Variants in CHST13 observed in about 807,000 individuals in gnomAD.
CHST13 encodes C4ST-3.
In CHST13, 1 loss-of-function variant was observed where a neutral mutation model predicts 7.0. The observed-to-expected ratio is 0.14, with a 90% CI of 0.05 to 0.68. The LOEUF is 0.68. Ranked by LOEUF, CHST13 falls within the 30% of genes least tolerant of loss-of-function variation. The pLI is 0.82. For missense variants in CHST13, 572 were observed against 507.9 expected, an observed-to-expected ratio of 1.13 and a Z score of -1.21; for synonymous variants, 257 against 240.9, an observed-to-expected ratio of 1.07 and a Z score of -0.62.
Position 126,541,988 on chromosome 3 carries a change from C to A in CHST13, c.436C>A (p.Pro146Thr). The A allele has an allele frequency of 6.4e-7, 1 of 1,564,694 alleles. No homozygotes were observed. Among genetic ancestry groups the A allele is most frequent in the Non-Finnish European group, 8.6e-7 (1 of 1,159,858 alleles). Residue 146 changes from proline to threonine, a missense_variant, in exon 3 of 3, where the codon CCT (proline) becomes ACT (threonine). Physicochemically the swap from Pro to Thr is conservative, Grantham distance 38 (BLOSUM62 -1). Transcript: ENST00000319340. ...CATCTCCGCGCAAGAGGCGCACGCG[C>A]CTGGCCGCCTGCCCTCACTGGCCGA... Reference protein sequence around the residue: ...RAISAQEAHAPGRLPSLADFS... With the variant: ...RAISAQEAHATGRLPSLADFS...
Position 126,542,538 on chromosome 3 carries a change from T to G in CHST13, c.986T>G (p.Leu329Arg), listed in dbSNP as rs546173379. 1 of 1,532,826 alleles carries G rather than the reference T, an allele frequency of 6.5e-7. No individual in the cohort carries two copies. The highest frequency in any genetic ancestry group is 8.7e-7 in the Non-Finnish European group (1 of 1,145,796). The allele number at this position is 1,532,826 out of a possible 1,614,324, so 95.0% of individuals were successfully genotyped here. A position where few individuals can be genotyped will look rare whatever the true frequency, so the allele number is the denominator to read the frequency against. Residue 329 changes from leucine (L) to arginine (R), a missense_variant, in exon 3 of 3, where the codon CTT becomes CGT. Transcript: ENST00000319340. Reference protein sequence around the residue: ...LFDLYKMDFLLFNYSAPSYLR... With the variant: ...LFDLYKMDFLRFNYSAPSYLR... ...GACCTCTACAAGATGGACTTCCTGC[T>G]TTTCAACTACTCCGCCCCCTCCTAC...
chr3:126,537,616 G>C (rs1936826047), intron 2 of CHST13, among the ~76,000 whole-genome samples: 1 of 152,186 alleles, frequency 6.6e-6, no homozygotes, highest in African/African-American at 2.4e-5. Context: ...CTGACGGTAG[G>C]ACAGGCACTC....
rs1010238518 is a variant in CHST13, at chr3:126,541,714, C to T, written c.181-19C>T. On this transcript the variant is annotated intron_variant, in intron 2 of 2. Coordinates refer to ENST00000319340, the MANE Select transcript of CHST13 (RefSeq NM_152889.3). The stretch of plus-strand genomic sequence containing the variant: ...GCTGCCCTGACGCGTCCCCCTGTCC[C>T]GTCTCCTGTCGCCCACAGGACCCGC... 3.5e-6 allele frequency: 5 copies of T among 1,436,138 alleles called. No individual in the cohort carries two copies. The highest frequency in any genetic ancestry group is 1.5e-5 in the African/African-American group (1 of 67,332). 89.0% of individuals were successfully genotyped at this position (1,436,138 alleles called of 1,614,324 possible). A position where few individuals can be genotyped will look rare whatever the true frequency, so the allele number is the denominator to read the frequency against.
In CHST13 at chr3:126,542,026, C is replaced by T. The variant is rs767401839; in HGVS notation, c.474C>T (p.Ala158=). The T allele has an allele frequency of 3.2e-5, 50 of 1,569,696 alleles. No individual in the cohort carries two copies. In the South Asian group the frequency reaches 4.4e-4, roughly 14 times the overall value. Residue 158 remains alanine (A), a synonymous_variant, in exon 3 of 3, where the codon GCC becomes GCT. Transcript: ENST00000319340. The part of the protein sequence containing the change: ...RLPSLADFSP[A]EINRRLRAYL... Reference sequence around the variant, plus strand: ...CCTCACTGGCCGACTTCAGCCCCGCCGAGATCAACCGGCGCCTGCGCGCCT... The same window carrying T: ...CCTCACTGGCCGACTTCAGCCCCGCTGAGATCAACCGGCGCCTGCGCGCCT...
Position 126,542,776 on chromosome 3 carries a change from C to A in CHST13, c.*198C>A. The A allele has an allele frequency of 1.5e-6, 1 of 687,858 alleles. No homozygotes were observed. The highest frequency in any genetic ancestry group is 2.1e-6 in the Non-Finnish European group (1 of 478,136). The allele number at this position is 687,858 out of a possible 1,614,324, so 42.6% of individuals were successfully genotyped here. A position where few individuals can be genotyped will look rare whatever the true frequency, so the allele number is the denominator to read the frequency against. ...CTCAGGTGGCCCTGCACGCGTGTGC[C>A]TGCCTCGGCCTGTCGCCTGAGGCCT... On this transcript the variant is annotated 3_prime_UTR_variant, in exon 3 of 3. Coordinates refer to ENST00000319340, the MANE Select transcript of CHST13 (RefSeq NM_152889.3).
intron 2 of CHST13, among the ~76,000 whole-genome samples, chr3:126,536,918 CACACA>C (rs1936807542): frequency 6.6e-6 from 1 of 151,458 alleles, no homozygotes; most frequent in Admixed American, 6.6e-5. Context: ...CACACACACA[CACACA>C]CCCCACACAC....
At chr3:126,534,890 C>G (rs1255001921) in intron 1 of CHST13, among the ~76,000 whole-genome samples, 1 of 146,724 alleles carries the variant, frequency 6.8e-6, no homozygotes, top group Non-Finnish European at 1.5e-5. Context: ...ATCCCTGTCC[C>G]CAGCCGGGAG....
At chr3:126,524,907 C>T (rs1331514374) in intron 1 of CHST13, among the ~76,000 whole-genome samples, 1 of 152,182 alleles carries the variant, frequency 6.6e-6, no homozygotes, top group African/African-American at 2.4e-5. Flanking sequence ...GAAATCCACA[C>T]TGGGTAGGGC....
chr3:126,528,720 T>C (rs1936585537), intron 1 of CHST13, among the ~76,000 whole-genome samples: 1 of 152,074 alleles, frequency 6.6e-6, no homozygotes, highest in South Asian at 2.1e-4. Context: ...GGGGTTCCAT[T>C]CTAGATGGCC....
chr3:126,533,199 C>T (rs1936694264), intron 1 of CHST13, among the ~76,000 whole-genome samples: 1 of 152,096 alleles, frequency 6.6e-6, no homozygotes, highest in Admixed American at 6.5e-5. Flanking sequence ...TTACTTATTA[C>T]TTTCCAACCT....
In CHST13 at chr3:126,542,499, A is replaced by G; in HGVS notation, c.947A>G (p.Gln316Arg). The change falls in exon 3 of 3, where the codon CAG (glutamine) becomes CGG (arginine). Residue 316 changes from glutamine to arginine, a missense_variant. Coordinates refer to ENST00000319340, the MANE Select transcript of CHST13 (RefSeq NM_152889.3). ...TTCCGGGACATCAGCCCCTTCTACCAGCGGCGCCTCTTCGACCTCTACAAG... is the reference window on the plus strand; with the variant it reads ...TTCCGGGACATCAGCCCCTTCTACCGGCGGCGCCTCTTCGACCTCTACAAG... ...RLFRDISPFY[Q>R]RRLFDLYKMD... 7.0e-6 allele frequency: 11 copies of G among 1,576,632 alleles called. No homozygotes were observed. The highest frequency in any genetic ancestry group is 1.2e-5 in the South Asian group (1 of 85,514).
chr3:126,534,933 C>CAGACAGACAGCATCCCTGTCCCCAGCCGG (rs1936736556), intron 1 of CHST13, among the ~76,000 whole-genome samples: 1 of 144,668 alleles, frequency 6.9e-6, no homozygotes, highest in African/African-American at 2.6e-5. Context: ...AGCCGGGAGA[C>CAGACAGACAGCATCCCTGTCCCCAGCCGG]AGACAGACAG....
Position 126,524,368 on chromosome 3 carries a change from G to T in CHST13, c.36G>T (p.Ala12=). Residue 12 remains alanine (A), a synonymous_variant, in exon 1 of 3, where the codon GCG becomes GCT. Transcript: ENST00000319340. ...GCTGCTGCCGGCGGCGCGTGCTGGC[G>T]GCCGCCTGTCTGGGCGCCGCGCTCC... ...GRRCCRRRVL[A]AACLGAALLL... is the part of the protein sequence containing the mutation. 1 of 1,236,660 alleles carries T rather than the reference G, an allele frequency of 8.1e-7. No individual in the cohort carries two copies. The highest frequency in any genetic ancestry group is 1.0e-6 in the Non-Finnish European group (1 of 990,434). 76.6% of individuals were successfully genotyped at this position (1,236,660 alleles called of 1,614,324 possible). A position where few individuals can be genotyped will look rare whatever the true frequency, so the allele number is the denominator to read the frequency against.
chr3:126,541,780 G>A lies in CHST13; in HGVS notation c.228G>A (p.Leu76=). Residue 76 remains leucine (L), a synonymous_variant, in exon 3 of 3, where the codon CTG becomes CTA. Coordinates refer to ENST00000319340, the MANE Select transcript of CHST13 (RefSeq NM_152889.3). Reference sequence around the variant, plus strand: ...AGGTGCACCGGCAGCGGCGCGACCTGCTGAACAGCGCCTGTAGCCGCCACT... The same window carrying A: ...AGGTGCACCGGCAGCGGCGCGACCTACTGAACAGCGCCTGTAGCCGCCACT... The part of the protein sequence containing the change: ...LAKVHRQRRD[L]LNSACSRHSR... 1 of 1,533,824 alleles carries A rather than the reference G, an allele frequency of 6.5e-7. No individual in the cohort carries two copies. Among genetic ancestry groups the A allele is most frequent in the Non-Finnish European group, 8.8e-7 (1 of 1,141,998 alleles).
At chr3:126,527,553 C>T (rs1327535723) in intron 1 of CHST13, 2 of 152,436 alleles carry the variant, frequency 1.3e-5, no homozygotes, top group Middle Eastern at 3.1e-3. Context: ...AAGTGCCCGT[C>T]TCTGAGCCAG....
In CHST13 at chr3:126,542,207, C is replaced by G. The variant is rs750870511; in HGVS notation, c.655C>G (p.Arg219Gly). The stretch of plus-strand genomic sequence containing the variant: ...GCGCGCGCTCCCCGACGCCCGGGCC[C>G]GCGGCCACGACGTGCGCTTCGCGGA... ...RPRALPDARARGHDVRFAEFL... is the reference protein window; with the variant it reads ...RPRALPDARAGGHDVRFAEFL... Residue 219 changes from arginine (R) to glycine (G), a missense_variant, in exon 3 of 3, where the codon CGC becomes GGC. By Grantham distance (125) the Arg-to-Gly change is moderately radical. Transcript: ENST00000319340. 4 of 1,451,128 alleles carry G rather than the reference C, an allele frequency of 2.8e-6. No homozygotes were observed. The highest frequency in any genetic ancestry group is 1.8e-6 in the Non-Finnish European group (2 of 1,109,806). 89.9% of individuals were successfully genotyped at this position (1,451,128 alleles called of 1,614,324 possible).
chr3:126,532,102 T>G (rs2107564675), intron 1 of CHST13, among the ~76,000 whole-genome samples: 1 of 152,354 alleles, frequency 6.6e-6, no homozygotes, highest in African/African-American at 2.4e-5. Flanking sequence ...TTTGCCCATT[T>G]AAAAAATTGA....
chr3:126,541,240 T>A (rs1256778017), intron 2 of CHST13, among the ~76,000 whole-genome samples: 1 of 151,882 alleles, frequency 6.6e-6, no homozygotes. Context: ...ATAAAAGGAG[T>A]GAAGGTGCAA....
At position 126,541,883 on chromosome 3, in the gene CHST13, T is replaced by C; in HGVS notation, c.331T>C (p.Tyr111His). 4 of 1,600,082 alleles carry C rather than the reference T, an allele frequency of 2.5e-6. No individual in the cohort carries two copies. The highest frequency in any genetic ancestry group is 3.4e-6 in the Non-Finnish European group (4 of 1,173,932). ...CGACGCGCATGGCCTGCTCTACTGC[T>C]ACGTGCCCAAGGTGGCCTGCACCAA... ...VDDAHGLLYCYVPKVACTNWK... is the reference protein window; with the variant it reads ...VDDAHGLLYCHVPKVACTNWK... The change falls in exon 3 of 3, where the codon TAC (tyrosine) becomes CAC (histidine). Residue 111 changes from tyrosine (Y) to histidine (H), a missense_variant. Transcript: ENST00000319340.
Sources: gnomAD v4.1 joint callset for allele counts (sites outside exome capture counted in the v4.1 genomes callset) on GRCh38, gnomAD v4.1.1 for gene constraint, MANE v1.5 for transcripts, NCBI Gene and HGNC (gene_info 2026-07-23, HGNC 2026-07-21) for gene names.